Variants in PCDHB14 observed in about 807,000 individuals in gnomAD.
The protein encoded by PCDHB14 is protocadherin beta-14.
For synonymous variants in PCDHB14, 511 were observed against 441.5 expected (o/e 1.16, Z -1.97); for missense variants, 1,129 against 1,000.5 (o/e 1.13, Z -1.73).
chr5:141,225,425 G>A lies in PCDHB14; in HGVS notation c.1920G>A (p.Leu640=), dbSNP rs782734417. 5.6e-6 allele frequency: 9 copies of A among 1,604,540 alleles called. No individual in the cohort carries two copies. Among genetic ancestry groups the A allele is most frequent in the Middle Eastern group, 2.3e-4 (1 of 4,440 alleles). ...AGCGCGACGCGGCCAAGCACAGGCT[G>A]GTGGTGCTGGTCAAGGACAATGGCG... ...LSERDAAKHR[L]VVLVKDNGEP... The change falls in exon 1 of 1, where the codon CTG becomes CTA. Residue 640 remains leucine (L), a synonymous_variant. Transcript: ENST00000239449.
chr5:141,224,602 C>T lies in PCDHB14; in HGVS notation c.1097C>T (p.Ala366Val), dbSNP rs1754795898. 1 of 1,613,800 alleles carries T rather than the reference C, an allele frequency of 6.2e-7. No homozygotes were observed. Among genetic ancestry groups the T allele is most frequent in the African/African-American group, 1.3e-5 (1 of 74,854 alleles). Residue 366 changes from alanine to valine, a missense_variant, in exon 1 of 1, where the codon GCT (alanine) becomes GTT (valine). Transcript: ENST00000239449. ...IPENASETLV[A>V]LFSILDQDSG... ...GAGAATGCCTCAGAGACCCTAGTAGCTCTTTTTAGTATCCTAGACCAAGAC... is the reference window on the plus strand; with the variant it reads ...GAGAATGCCTCAGAGACCCTAGTAGTTCTTTTTAGTATCCTAGACCAAGAC...
chr5:141,225,724 G>C lies in PCDHB14; in HGVS notation c.2219G>C (p.Ser740Thr). 6.2e-7 allele frequency: 1 copy of C among 1,614,230 alleles called. No homozygotes were observed. Among genetic ancestry groups the C allele is most frequent in the Non-Finnish European group, 8.5e-7 (1 of 1,180,044 alleles). Residue 740 changes from serine (S) to threonine (T), a missense_variant, in exon 1 of 1, where the codon AGC becomes ACC. Physicochemically the swap from Ser to Thr is moderately conservative, Grantham distance 58 (BLOSUM62 1). Transcript: ENST00000239449. ...GPFPGHLVDV[S>T]GTGTLSQSYQ... The stretch of plus-strand genomic sequence containing the variant: ...TTTCCAGGGCATCTGGTGGACGTGA[G>C]CGGCACCGGGACCCTGTCCCAGAGC...
At position 141,226,103 on chromosome 5, in the gene PCDHB14, T is replaced by A; in HGVS notation, c.*201T>A. ...AATCTGTGTTTTCTGGTTTTTCATTTATTTGGCCAAAATGTTATATTAATG... is the reference window on the plus strand; with the variant it reads ...AATCTGTGTTTTCTGGTTTTTCATTAATTTGGCCAAAATGTTATATTAATG... On this transcript the variant is annotated 3_prime_UTR_variant, in exon 1 of 1. Coordinates refer to ENST00000239449, the MANE Select transcript of PCDHB14 (RefSeq NM_018934.4). 1 of 597,660 alleles carries A rather than the reference T, an allele frequency of 1.7e-6. No individual in the cohort carries two copies. Among genetic ancestry groups the A allele is most frequent in the Non-Finnish European group, 2.9e-6 (1 of 346,082 alleles). The allele number at this position is 597,660 out of a possible 1,614,324, so 37.0% of individuals were successfully genotyped here.
Position 141,224,957 on chromosome 5 carries a change from C to T in PCDHB14, c.1452C>T (p.Ala484=), listed in dbSNP as rs2149686140. ...CAGACAGAGACTCAGGCACCAACGC[C>T]CAGGTCAACTACTCGCTGCTGCCGC... ...SATDRDSGTN[A]QVNYSLLPPQ... Residue 484 remains alanine, a synonymous_variant, in exon 1 of 1, where the codon GCC becomes GCT. Transcript: ENST00000239449. The T allele has an allele frequency of 3.1e-6, 5 of 1,612,670 alleles. No individual in the cohort carries two copies. The highest frequency in any genetic ancestry group is 2.1e-4 in the Middle Eastern group (1 of 4,786).
In PCDHB14 at chr5:141,225,562, T is replaced by TC. The variant is rs1754838147; in HGVS notation, c.2058dup (p.Thr687HisfsTer77). 6.2e-7 allele frequency: 1 copy of TC among 1,610,788 alleles called. No homozygotes were observed. Among genetic ancestry groups the TC allele is most frequent in the Admixed American group, 1.7e-5 (1 of 59,992 alleles). ...CCGGCCCAGGCCCAGGCCGACTCCC[T>TC]CACCGTCTACCTGGTGGTGGCATTG... On this transcript the variant is annotated frameshift_variant, in exon 1 of 1. Coordinates refer to ENST00000239449, the MANE Select transcript of PCDHB14 (RefSeq NM_018934.4). LOFTEE classifies it low-confidence loss of function (END_TRUNC).
chr5:141,225,335 G>A lies in PCDHB14; in HGVS notation c.1830G>A (p.Thr610=). 1 of 1,602,528 alleles carries A rather than the reference G, an allele frequency of 6.2e-7. No individual in the cohort carries two copies. Among genetic ancestry groups the A allele is most frequent in the Non-Finnish European group, 8.5e-7 (1 of 1,178,926 alleles). The change falls in exon 1 of 1, where the codon ACG becomes ACA. Residue 610 remains threonine, a synonymous_variant. Transcript: ENST00000239449. The part of the protein sequence containing the change: ...AWLSYQLLKA[T]EPGLFGVWAH... Reference sequence around the variant, plus strand: ...TGTCGTACCAGCTGCTCAAGGCCACGGAGCCCGGGCTGTTCGGCGTGTGGG... The same window carrying A: ...TGTCGTACCAGCTGCTCAAGGCCACAGAGCCCGGGCTGTTCGGCGTGTGGG...
rs1174309174 is a variant in PCDHB14 at position 141,227,568 on chromosome 5, T to C, written c.*1666T>C. The C allele has an allele frequency of 6.6e-6, 1 of 152,238 alleles. No individual in the cohort carries two copies. The highest frequency in any genetic ancestry group is 1.5e-5 in the Non-Finnish European group (1 of 68,032). 9.4% of individuals were successfully genotyped at this position (152,238 alleles called of 1,614,324 possible). A position where few individuals can be genotyped will look rare whatever the true frequency, so the allele number is the denominator to read the frequency against. On this transcript the variant is annotated 3_prime_UTR_variant, in exon 1 of 1. Transcript: ENST00000239449. ...GCTCTTACAAGATTAAATACTATTA[T>C]AGACCAGATGATGTAGTAAAATGGA...
Position 141,225,583 on chromosome 5 carries a change from C to T in PCDHB14, c.2078C>T (p.Ala693Val). The T allele has an allele frequency of 1.2e-6, 2 of 1,611,430 alleles. No individual in the cohort carries two copies. The highest frequency in any genetic ancestry group is 2.2e-5 in the South Asian group (2 of 91,048). ...ADSLTVYLVVALASVSSLFLF... is the reference protein window; with the variant it reads ...ADSLTVYLVVVLASVSSLFLF... ...TCCCTCACCGTCTACCTGGTGGTGG[C>T]ATTGGCCTCGGTGTCGTCGCTCTTC... The change falls in exon 1 of 1, where the codon GCA becomes GTA. Residue 693 changes from alanine (A) to valine (V), a missense_variant. By Grantham distance (64) the Ala-to-Val change is moderately conservative. Transcript: ENST00000239449.
In PCDHB14 at chr5:141,224,407, T is replaced by C. The variant is rs782069416; in HGVS notation, c.902T>C (p.Val301Ala). Residue 301 changes from valine (V) to alanine (A), a missense_variant, in exon 1 of 1, where the codon GTT becomes GCT. Coordinates refer to ENST00000239449, the MANE Select transcript of PCDHB14 (RefSeq NM_018934.4). ...GAAATTAATCCAATATCTGGGGAAGTTAATTTGAGATCACCCCTGGATTTT... is the reference window on the plus strand; with the variant it reads ...GAAATTAATCCAATATCTGGGGAAGCTAATTTGAGATCACCCCTGGATTTT... ...TFEINPISGEVNLRSPLDFEV... is the reference protein window; with the variant it reads ...TFEINPISGEANLRSPLDFEV... The C allele has an allele frequency of 6.2e-7, 1 of 1,606,596 alleles. No individual in the cohort carries two copies. Among genetic ancestry groups the C allele is most frequent in the South Asian group, 1.1e-5 (1 of 89,664 alleles).
rs782049206 is a variant in PCDHB14, at chr5:141,224,961, G to C, written c.1456G>C (p.Val486Leu). Residue 486 changes from valine to leucine, a missense_variant, in exon 1 of 1, where the codon GTC becomes CTC. Val to Leu is a conservative substitution (Grantham distance 32, BLOSUM62 1). Coordinates refer to ENST00000239449, the MANE Select transcript of PCDHB14 (RefSeq NM_018934.4). ...TDRDSGTNAQ[V>L]NYSLLPPQDR... ...CAGAGACTCAGGCACCAACGCCCAGGTCAACTACTCGCTGCTGCCGCCCCA... is the reference window on the plus strand; with the variant it reads ...CAGAGACTCAGGCACCAACGCCCAGCTCAACTACTCGCTGCTGCCGCCCCA... 2 of 1,612,620 alleles carry C rather than the reference G, an allele frequency of 1.2e-6. No individual in the cohort carries two copies. Among genetic ancestry groups the C allele is most frequent in the Non-Finnish European group, 1.7e-6 (2 of 1,180,024 alleles).
Position 141,226,162 on chromosome 5 carries a change from T to C in PCDHB14, c.*260T>C. ...GCTATTTTTGCTGTGATAATGGTAT[T>C]ATGCAAGACCATATTCTCAATTATT... On this transcript the variant is annotated 3_prime_UTR_variant, in exon 1 of 1. Coordinates refer to ENST00000239449, the MANE Select transcript of PCDHB14 (RefSeq NM_018934.4). 1 of 425,666 alleles carries C rather than the reference T, an allele frequency of 2.3e-6. No individual in the cohort carries two copies. Among genetic ancestry groups the C allele is most frequent in the Non-Finnish European group, 4.3e-6 (1 of 232,998 alleles). 26.4% of individuals were successfully genotyped at this position (425,666 alleles called of 1,614,324 possible).
rs781915121 is a variant in PCDHB14 at position 141,224,238 on chromosome 5, A to G, written c.733A>G (p.Ser245Gly). Residue 245 changes from serine to glycine, a missense_variant, in exon 1 of 1, where the codon AGT (serine) becomes GGT (glycine). Transcript: ENST00000239449. ...TGATAATGCCCCTGAGTTTCCTCAG[A>G]GTCTCTATGAGGTGCAAGTCCCCGA... ...INDNAPEFPQ[S>G]LYEVQVPEDR... 11 of 1,613,696 alleles carry G rather than the reference A, an allele frequency of 6.8e-6. No individual in the cohort carries two copies. The Admixed American group carries it at 1.5e-4, about 22-fold the overall frequency.
chr5:141,227,189 A>C lies in PCDHB14; in HGVS notation c.*1287A>C, dbSNP rs1754878338. ...TTAAATTTTGTGTTGTTTATTACTA[A>C]AGCAGAAAATAATTTAGGGTCTTAT... On this transcript the variant is annotated 3_prime_UTR_variant, in exon 1 of 1. Transcript: ENST00000239449. The C allele has an allele frequency of 6.6e-6, 1 of 152,216 alleles. No individual in the cohort carries two copies. Among genetic ancestry groups the C allele is most frequent in the Non-Finnish European group, 1.5e-5 (1 of 68,040 alleles). The allele number at this position is 152,216 out of a possible 1,614,324, so 9.4% of individuals were successfully genotyped here.
rs1554289593 is a variant in PCDHB14, at chr5:141,225,816, ATC to A, written c.2312_2313del (p.Ile771ThrfsTer7). On this transcript the variant is annotated frameshift_variant, in exon 1 of 1. Coordinates refer to ENST00000239449, the MANE Select transcript of PCDHB14 (RefSeq NM_018934.4). LOFTEE classifies it low-confidence loss of function (END_TRUNC). Reference sequence around the variant, plus strand: ...TGAGTTCAAATTTCTGAAGCCGATTATCCCCAATTTTCAAGTTCATGACACTG... The same window carrying A: ...TGAGTTCAAATTTCTGAAGCCGATTACCCAATTTTCAAGTTCATGACACTG... Reference protein sequence around the residue: ...TNEFKFLKPIIPNFQVHDTGR... With the variant: ...TNEFKFLKPIXPNFQVHDTGR... 4 of 1,614,214 alleles carry A rather than the reference ATC, an allele frequency of 2.5e-6. No individual in the cohort carries two copies. The South Asian group carries it at 4.4e-5, about 18-fold the overall frequency.
At position 141,225,033 on chromosome 5, in the gene PCDHB14, A is replaced by T. The variant is rs139826846; in HGVS notation, c.1528A>T (p.Asn510Tyr). Residue 510 changes from asparagine to tyrosine, a missense_variant, in exon 1 of 1, where the codon AAT (asparagine) becomes TAT (tyrosine). Asn to Tyr is a moderately radical substitution (Grantham distance 143, BLOSUM62 -2). Transcript: ENST00000239449. Reference protein sequence around the residue: ...LASLVSINADNGHLFALRSLD... With the variant: ...LASLVSINADYGHLFALRSLD... ...CTCCTTGGTCTCCATCAACGCGGAC[A>T]ATGGCCACCTGTTTGCCCTCAGGTC... 115 of 1,612,492 alleles carry T rather than the reference A, an allele frequency of 7.1e-5. No homozygotes were observed. Among genetic ancestry groups the T allele is most frequent in the Admixed American group, 4.3e-4 (26 of 60,004 alleles).
In PCDHB14 at chr5:141,226,467, A is replaced by AT. The variant is rs1754863273; in HGVS notation, c.*571dup. 5 of 152,386 alleles carry AT rather than the reference A, an allele frequency of 3.3e-5. No individual in the cohort carries two copies. In the South Asian group the frequency reaches 6.2e-4, roughly 19 times the overall value. 9.4% of individuals were successfully genotyped at this position (152,386 alleles called of 1,614,324 possible). ...TTGGAAATTATTAATTTCTTAAGTA[A>AT]TTTTTTCTGTAACTGCTTTTGTTGA... is the stretch of plus-strand genomic sequence containing the variant. On this transcript the variant is annotated 3_prime_UTR_variant, in exon 1 of 1. Transcript: ENST00000239449.
Position 141,223,429 on chromosome 5 carries a change from T to C in PCDHB14, c.-77T>C. ...GAGGATACACTCTCCAGGGGGTTCC[T>C]GTTAAAAACCAGAGCTTCAGCTTCC... On this transcript the variant is annotated 5_prime_UTR_variant, in exon 1 of 1. Coordinates refer to ENST00000239449, the MANE Select transcript of PCDHB14 (RefSeq NM_018934.4). The C allele has an allele frequency of 1.9e-6, 2 of 1,071,392 alleles. No homozygotes were observed. Among genetic ancestry groups the C allele is most frequent in the Non-Finnish European group, 2.8e-6 (2 of 722,646 alleles). The allele number at this position is 1,071,392 out of a possible 1,614,324, so 66.4% of individuals were successfully genotyped here.
At position 141,225,544 on chromosome 5, in the gene PCDHB14, A is replaced by G; in HGVS notation, c.2039A>G (p.Gln680Arg). 4 of 1,610,156 alleles carry G rather than the reference A, an allele frequency of 2.5e-6. No individual in the cohort carries two copies. Among genetic ancestry groups the G allele is most frequent in the Non-Finnish European group, 3.4e-6 (4 of 1,179,766 alleles). Residue 680 changes from glutamine to arginine, a missense_variant, in exon 1 of 1, where the codon CAG becomes CGG. Physicochemically the swap from Gln to Arg is conservative, Grantham distance 43. Transcript: ENST00000239449. ...YLPLPEAAPA[Q>R]AQADSLTVYL... The stretch of plus-strand genomic sequence containing the variant: ...CCGCTCCCTGAGGCGGCCCCGGCCC[A>G]GGCCCAGGCCGACTCCCTCACCGTC...
chr5:141,225,559 C>T lies in PCDHB14; in HGVS notation c.2054C>T (p.Ser685Phe), dbSNP rs149493075. The change falls in exon 1 of 1, where the codon TCC becomes TTC. Residue 685 changes from serine to phenylalanine, a missense_variant. Coordinates refer to ENST00000239449, the MANE Select transcript of PCDHB14 (RefSeq NM_018934.4). ...GCCCCGGCCCAGGCCCAGGCCGACT[C>T]CCTCACCGTCTACCTGGTGGTGGCA... Reference protein sequence around the residue: ...EAAPAQAQADSLTVYLVVALA... With the variant: ...EAAPAQAQADFLTVYLVVALA... 2,941 of 1,610,918 alleles carry T rather than the reference C, an allele frequency of 1.8e-3. 54 individuals are homozygous for T. The East Asian group carries it at 0.041, about 22-fold the overall frequency.
Sources: gnomAD v4.1 joint callset for allele counts on GRCh38, gnomAD v4.1.1 for gene constraint, MANE v1.5 for transcripts, NCBI Gene and HGNC (gene_info 2026-07-23, HGNC 2026-07-21) for gene names.